Variants in RPS6KC1 observed in about 807,000 individuals in gnomAD.
RPS6KC1 encodes inactive ribosomal protein S6 kinase delta-1.
A neutral mutation model predicts 103.8 loss-of-function variants in RPS6KC1; 54 were observed. That is an observed-to-expected ratio of 0.52 (90% CI 0.42 to 0.65). The LOEUF (loss-of-function observed/expected upper bound fraction) is 0.65, where lower values mean the gene tolerates loss of function less well. Among genes scored for constraint, RPS6KC1 ranks in the 30% least tolerant of loss-of-function variants. The pLI is 0.00. For missense variants in RPS6KC1, 1,151 were observed against 1,253.8 expected (o/e 0.92, Z 1.24); for synonymous variants, 439 against 438.7 (o/e 1.00, Z -0.01).
the RPS6KC1 span, among the ~76,000 whole-genome samples, chr1:213,502,734 A>G: frequency 1.3e-5 from 2 of 152,220 alleles, no homozygotes; most frequent in African/African-American, 4.8e-5. Context: ...AGATTCCACT[A>G]AAAGTTAATA....
At chr1:213,547,972 G>T in the RPS6KC1 span, among the ~76,000 whole-genome samples, 1 of 152,342 alleles carries the variant, frequency 6.6e-6, no homozygotes, top group South Asian at 2.1e-4. Flanking sequence ...ACCAGGACAT[G>T]TGTACAAGGA....
intron 5 of RPS6KC1, among the ~76,000 whole-genome samples, chr1:213,128,254 A>G (rs1208807510): frequency 6.6e-6 from 1 of 152,332 alleles, no homozygotes; most frequent in East Asian, 1.9e-4. Context: ...AAAACAGTGC[A>G]AAAATGTAAA....
At chr1:213,750,721 G>A in the RPS6KC1 span, among the ~76,000 whole-genome samples, 1 of 152,152 alleles carries the variant, frequency 6.6e-6, no homozygotes, top group Non-Finnish European at 1.5e-5. Context: ...TGCAAGTCTA[G>A]GGTTCACGAG....
chr1:213,169,091 A>G (rs1005139360), intron 7 of RPS6KC1, among the ~76,000 whole-genome samples: 5 of 152,200 alleles, frequency 3.3e-5, no homozygotes, highest in African/African-American at 7.2e-5. Flanking sequence ...TGGATTACAC[A>G]TATACACATA....
At chr1:213,444,684 G>A in the RPS6KC1 span, among the ~76,000 whole-genome samples, 1 of 140,964 alleles carries the variant, frequency 7.1e-6, no homozygotes, top group Non-Finnish European at 1.5e-5. Flanking sequence ...CTGAACCTGG[G>A]AGCGAGCTGA....
At chr1:213,712,178 T>C in the RPS6KC1 span, among the ~76,000 whole-genome samples, 1 of 152,268 alleles carries the variant, frequency 6.6e-6, no homozygotes, top group African/African-American at 2.4e-5. Flanking sequence ...AGCCTCTGAC[T>C]GGGGCTGCTG....
the RPS6KC1 span, among the ~76,000 whole-genome samples, chr1:213,317,051 G>C: frequency 2.0e-5 from 3 of 152,288 alleles, no homozygotes; most frequent in African/African-American, 7.2e-5. Context: ...GGAGCCATTG[G>C]TGAACTTCCA....
chr1:213,058,613 C>T (rs368545795), intron 1 of RPS6KC1, among the ~76,000 whole-genome samples: 2 of 151,994 alleles, frequency 1.3e-5, no homozygotes, highest in Admixed American at 6.6e-5. Flanking sequence ...AAAGCTGTTT[C>T]TGGATTCTCT....
the RPS6KC1 span, among the ~76,000 whole-genome samples, chr1:213,373,826 T>C: frequency 6.6e-6 from 1 of 152,210 alleles, no homozygotes; most frequent in African/African-American, 2.4e-5. Context: ...CCCTATCACA[T>C]CCTCTTTGCT....
intron 3 of RPS6KC1, 146 bp downstream of exon 3, chr1:213,077,962 T>G: frequency 2.4e-6 from 1 of 424,412 alleles, no homozygotes; most frequent in South Asian, 9.2e-5. Flanking sequence ...AAATTGTCTT[T>G]TCTTGTTCTT....
the RPS6KC1 span, among the ~76,000 whole-genome samples, chr1:213,684,492 C>A: frequency 1.3e-5 from 2 of 152,164 alleles, no homozygotes; most frequent in Non-Finnish European, 2.9e-5. Flanking sequence ...CATCTCAACC[C>A]CTGTAGTTGT....
At chr1:213,541,543 G>A in the RPS6KC1 span, among the ~76,000 whole-genome samples, 1 of 151,942 alleles carries the variant, frequency 6.6e-6, no homozygotes, top group African/African-American at 2.4e-5. Context: ...AATAAAAGAG[G>A]TATTCCTGTA....
intron 1 of RPS6KC1, among the ~76,000 whole-genome samples, chr1:213,058,058 C>CTTTTTT: frequency 7.2e-6 from 1 of 139,732 alleles, no homozygotes; most frequent in Non-Finnish European, 1.5e-5. Context: ...GTGCGCCTGA[C>CTTTTTT]CTTTTTTTTT....
the RPS6KC1 span, among the ~76,000 whole-genome samples, chr1:213,308,730 C>G: frequency 2.0e-5 from 3 of 152,206 alleles, no homozygotes; most frequent in African/African-American, 4.8e-5. Context: ...AGTCCCTACT[C>G]GAACATCTCT....
the RPS6KC1 span, among the ~76,000 whole-genome samples, chr1:213,326,074 A>G: frequency 1.3e-5 from 2 of 152,146 alleles, no homozygotes; most frequent in African/African-American, 4.8e-5. Context: ...ATTCAAGAAA[A>G]TGAAAGTGAG....
chr1:213,802,278 G>T, the RPS6KC1 span, among the ~76,000 whole-genome samples: 1 of 152,196 alleles, frequency 6.6e-6, no homozygotes, highest in Admixed American at 6.5e-5. Flanking sequence ...CAATTTAACT[G>T]CTGCCACTCT....
At chr1:213,731,566 C>T in the RPS6KC1 span, 3 of 152,316 alleles carry the variant, frequency 2.0e-5, no homozygotes, top group South Asian at 4.1e-4. Context: ...CAGGTAAGAA[C>T]ATGCTGGAAA....
intron 8 of RPS6KC1, among the ~76,000 whole-genome samples, chr1:213,207,903 C>T (rs1015434174): frequency 1.3e-5 from 2 of 152,090 alleles, no homozygotes; most frequent in South Asian, 4.1e-4. Context: ...GAACGCCATA[C>T]GTCAAGTGAT....
rs1328131999 is a variant in RPS6KC1, at chr1:213,066,225, CA to C, written c.106-4780del. On this transcript the variant is annotated intron_variant, in intron 1 of 14. Transcript: ENST00000366960. The stretch of plus-strand genomic sequence containing the variant: ...TTTAAAACAATTCTTGGAGTGTTCA[CA>C]GAATACCAGGGGGCAGAAGGATGAA... 3.9e-5 allele frequency among the ~76,000 whole-genome samples: 6 copies of C among 152,270 alleles called. No homozygotes were observed. In the East Asian group the frequency reaches 1.2e-3, roughly 29 times the overall value.
Sources: gnomAD v4.1 joint callset for allele counts (sites outside exome capture counted in the v4.1 genomes callset) on GRCh38, gnomAD v4.1.1 for gene constraint, MANE v1.5 for transcripts, NCBI Gene and HGNC (gene_info 2026-07-23, HGNC 2026-07-21) for gene names.